Variants in ROBO2 observed in about 807,000 individuals in gnomAD.
ROBO2 encodes the protein roundabout guidance receptor 2.
A neutral mutation model predicts 160.8 loss-of-function variants in ROBO2; 53 were observed. The observed-to-expected ratio is 0.33, with a 90% CI of 0.26 to 0.41. The LOEUF (loss-of-function observed/expected upper bound fraction) is 0.41, where lower values mean the gene tolerates loss of function less well. ROBO2 is among the 10% of genes least tolerant of loss of function. The pLI, the probability that ROBO2 is intolerant of heterozygous loss-of-function variation, is 1.00. For synonymous variants in ROBO2, 664 were observed against 611.7 expected, an observed-to-expected ratio of 1.09 and a Z score of -1.26; for missense variants, 1,577 against 1,722.4, an observed-to-expected ratio of 0.92 and a Z score of 1.49.
chr3:75,989,329 G>C (rs911867852), intron 2 of ROBO2, among the ~76,000 whole-genome samples: 4 of 152,026 alleles, frequency 2.6e-5, no homozygotes, highest in African/African-American at 9.7e-5. Flanking sequence ...TGTTGGCCAG[G>C]CTGGTCTCGA....
chr3:76,204,374 T>C (rs1353792405), intron 2 of ROBO2, among the ~76,000 whole-genome samples: 1 of 152,194 alleles, frequency 6.6e-6, no homozygotes, highest in Non-Finnish European at 1.5e-5. Flanking sequence ...GATGTGTACC[T>C]TTCTGTCAAA....
intron 2 of ROBO2, among the ~76,000 whole-genome samples, chr3:77,362,026 C>A (rs2070091595): frequency 6.6e-6 from 1 of 152,196 alleles, no homozygotes. Flanking sequence ...CAAATAATCT[C>A]ACAAATACAT....
intron 17 of ROBO2, among the ~76,000 whole-genome samples, chr3:77,591,587 C>T (rs1032634944): frequency 2.0e-5 from 3 of 152,130 alleles, no homozygotes; most frequent in African/African-American, 7.2e-5. Flanking sequence ...GTGGTGTCTG[C>T]AGAACTTTTT....
At chr3:76,314,423 AG>A (rs1348059042) in intron 2 of ROBO2, among the ~76,000 whole-genome samples, 1 of 152,030 alleles carries the variant, frequency 6.6e-6, no homozygotes, top group Non-Finnish European at 1.5e-5. Context: ...ACAAAAAGGA[AG>A]TTATATATAA....
intron 2 of ROBO2, among the ~76,000 whole-genome samples, chr3:76,761,359 G>T (rs2061296307): frequency 6.6e-6 from 1 of 151,636 alleles, no homozygotes; most frequent in South Asian, 2.1e-4. Context: ...TTGCATGCAG[G>T]GTGACCATAC....
intron 2 of ROBO2, among the ~76,000 whole-genome samples, chr3:77,220,787 T>G (rs2151193377): frequency 6.6e-6 from 1 of 152,194 alleles, no homozygotes. Context: ...TTAATGAACT[T>G]TCAGTCCTAC....
At chr3:75,930,082 A>T (rs1219981333) in intron 1 of ROBO2, among the ~76,000 whole-genome samples, 1 of 152,232 alleles carries the variant, frequency 6.6e-6, no homozygotes, top group African/African-American at 2.4e-5. Context: ...CAGCATTCAC[A>T]TGAAAGGACC....
intron 2 of ROBO2, among the ~76,000 whole-genome samples, chr3:76,178,887 G>A (rs977062643): frequency 1.3e-5 from 2 of 152,090 alleles, no homozygotes; most frequent in African/African-American, 4.8e-5. Flanking sequence ...GTTGCAATGA[G>A]CTGAGGTCGT....
intron 24 of ROBO2, among the ~76,000 whole-genome samples, chr3:77,640,822 G>A (rs1398766320): frequency 6.6e-6 from 1 of 152,088 alleles, no homozygotes; most frequent in Non-Finnish European, 1.5e-5. Flanking sequence ...ATTTCAGTGT[G>A]CATGTAATGT....
At chr3:76,640,464 G>A (rs768275219) in intron 2 of ROBO2, among the ~76,000 whole-genome samples, 75 of 152,074 alleles carry the variant, frequency 4.9e-4, no homozygotes, top group Non-Finnish European at 9.8e-4. Context: ...CTGGGAGGTG[G>A]AGGTTGCAGT....
chr3:77,490,861 A>C (rs1290300357), intron 4 of ROBO2, among the ~76,000 whole-genome samples: 1 of 152,210 alleles, frequency 6.6e-6, no homozygotes, highest in Non-Finnish European at 1.5e-5. Context: ...CATCCTATGA[A>C]CCATTGTGTC....
At chr3:76,772,002 T>G (rs573915061) in intron 2 of ROBO2, among the ~76,000 whole-genome samples, 2 of 151,406 alleles carry the variant, frequency 1.3e-5, no homozygotes, top group South Asian at 2.1e-4. Context: ...TAATAATGCA[T>G]GTACTAATCA....
chr3:76,642,642 G>A (rs116839914), intron 2 of ROBO2, among the ~76,000 whole-genome samples: 2,623 of 151,984 alleles, frequency 0.017, 79 homozygotes, highest in African/African-American at 0.057. Context: ...GTGAGCCACC[G>A]CGCCCAGCCT....
chr3:76,339,827 T>G (rs553990684), intron 2 of ROBO2, among the ~76,000 whole-genome samples: 19 of 152,166 alleles, frequency 1.2e-4, no homozygotes, highest in Non-Finnish European at 2.5e-4. Flanking sequence ...ATCTCCAAGT[T>G]TATTAATTTG....
intron 2 of ROBO2, among the ~76,000 whole-genome samples, chr3:76,848,649 G>T (rs1483049855): frequency 1.3e-5 from 2 of 152,200 alleles, no homozygotes; most frequent in Admixed American, 1.3e-4. Context: ...CCTGTGTCTT[G>T]TGAGGACCCA....
chr3:77,264,537 T>A (rs1461754569), intron 2 of ROBO2, among the ~76,000 whole-genome samples: 1 of 135,370 alleles, frequency 7.4e-6, no homozygotes, highest in Non-Finnish European at 1.7e-5. Context: ...ATGTTCATAA[T>A]GTTTTTTTTT....
At chr3:76,818,834 C>T (rs368121096) in intron 2 of ROBO2, among the ~76,000 whole-genome samples, 2 of 152,026 alleles carry the variant, frequency 1.3e-5, no homozygotes, top group East Asian at 3.9e-4. Flanking sequence ...TTTTATATCA[C>T]TACCATGCTG....
intron 2 of ROBO2, among the ~76,000 whole-genome samples, chr3:76,273,018 T>G (rs1707666717): frequency 1.0e-5 from 1 of 98,232 alleles, no homozygotes; most frequent in South Asian, 2.5e-4. Context: ...AAATATATTA[T>G]ATATAATATA....
chr3:75,961,633 A>T (rs1288562557), intron 2 of ROBO2, among the ~76,000 whole-genome samples: 1 of 151,726 alleles, frequency 6.6e-6, no homozygotes, highest in Non-Finnish European at 1.5e-5. Flanking sequence ...AAAAGAGAAC[A>T]GAGCAGATAA....
Sources: allele counts gnomAD v4.1 joint callset (sites outside exome capture counted in the v4.1 genomes callset), GRCh38; gene constraint gnomAD v4.1.1; transcripts MANE v1.5; gene names NCBI Gene and HGNC (gene_info 2026-07-23, HGNC 2026-07-21).